Variants in SHISA9 observed in about 807,000 individuals in gnomAD.
SHISA9 encodes protein shisa-9.
SHISA9 carries 13 observed loss-of-function variants against 38.0 expected under a neutral mutation model. The observed-to-expected ratio is 0.34, with a 90% confidence interval of 0.22 to 0.54. SHISA9 has a LOEUF of 0.54. Ranked by LOEUF, SHISA9 falls within the 20% of genes least tolerant of loss-of-function variation. The pLI, the probability that SHISA9 is intolerant of heterozygous loss-of-function variation, is 0.91. For synonymous variants in SHISA9, 275 were observed against 242.0 expected, an observed-to-expected ratio of 1.14 and a Z score of -1.27; for missense variants, 538 against 575.8, an observed-to-expected ratio of 0.93 and a Z score of 0.67.
intron 4 of SHISA9, among the ~76,000 whole-genome samples, chr16:13,216,957 C>T (rs143185951): frequency 7.9e-4 from 121 of 152,228 alleles, no homozygotes; most frequent in African/African-American, 2.8e-3. Context: ...TTAAAATCCA[C>T]CCACCTGTCA....
intron 2 of SHISA9, among the ~76,000 whole-genome samples, chr16:13,073,797 A>G (rs758546249): frequency 4.6e-5 from 7 of 152,160 alleles, no homozygotes; most frequent in Non-Finnish European, 8.8e-5. Flanking sequence ...CGAGGCGGAT[A>G]CAAGCCAAGG....
chr16:13,262,658 A>AAGGGAGGG, the SHISA9 span, among the ~76,000 whole-genome samples: 726 of 51,750 alleles, frequency 0.014, 7 homozygotes, highest in Middle Eastern at 0.074. Flanking sequence ...GGAAGGAAGG[A>AAGGGAGGG]AGGAAGGAAG....
the SHISA9 span, among the ~76,000 whole-genome samples, chr16:13,387,786 C>G: frequency 6.6e-6 from 1 of 152,176 alleles, no homozygotes. Flanking sequence ...CCACACCTGG[C>G]CTGCATTATT....
At chr16:13,387,255 A>C in the SHISA9 span, among the ~76,000 whole-genome samples, 2 of 152,202 alleles carry the variant, frequency 1.3e-5, no homozygotes, top group African/African-American at 4.8e-5. Context: ...ATTTGGAAAT[A>C]GAATTGTTGT....
intron 4 of SHISA9, among the ~76,000 whole-genome samples, chr16:13,232,819 AC>A (rs1444635673): frequency 2.0e-5 from 3 of 152,170 alleles, no homozygotes. Context: ...GATTGTGGAG[AC>A]CAAGGTTCTT....
At chr16:13,045,438 C>T (rs1328332318) in intron 2 of SHISA9, among the ~76,000 whole-genome samples, 1 of 152,186 alleles carries the variant, frequency 6.6e-6, no homozygotes, top group Non-Finnish European at 1.5e-5. Context: ...TCTTACCATA[C>T]TGTCTTGGCT....
the SHISA9 span, among the ~76,000 whole-genome samples, chr16:13,317,754 C>T: frequency 6.6e-6 from 1 of 152,168 alleles, no homozygotes; most frequent in African/African-American, 2.4e-5. Context: ...AACCATCTGT[C>T]CCTTCATGTG....
intron 2 of SHISA9, among the ~76,000 whole-genome samples, chr16:12,951,311 C>G (rs1339123144): frequency 6.7e-6 from 1 of 150,250 alleles, no homozygotes; most frequent in Non-Finnish European, 1.5e-5. Flanking sequence ...TTGTGGCTCT[C>G]GTTACGTTTC....
At chr16:12,903,786 C>A (rs571026908) in intron 1 of SHISA9, among the ~76,000 whole-genome samples, 1 of 152,136 alleles carries the variant, frequency 6.6e-6, no homozygotes, top group Non-Finnish European at 1.5e-5. Context: ...TTCCGCGCCC[C>A]CTCTGCCGGG....
chr16:13,348,475 G>A, the SHISA9 span, among the ~76,000 whole-genome samples: 93 of 151,962 alleles, frequency 6.1e-4, no homozygotes, highest in African/African-American at 2.0e-3. Context: ...TTAATGTACG[G>A]GTGAGGAATC....
the SHISA9 span, among the ~76,000 whole-genome samples, chr16:13,460,092 T>A: frequency 6.6e-6 from 1 of 152,106 alleles, no homozygotes; most frequent in African/African-American, 2.4e-5. Flanking sequence ...ATTAGTATTA[T>A]CCCTAAACAT....
chr16:13,069,490 A>G (rs543598201), intron 2 of SHISA9, among the ~76,000 whole-genome samples: 1 of 152,070 alleles, frequency 6.6e-6, no homozygotes, highest in East Asian at 1.9e-4. Flanking sequence ...TGTACACACA[A>G]TGCATGCATG....
intron 4 of SHISA9, among the ~76,000 whole-genome samples, chr16:13,218,838 G>C (rs1217705881): frequency 6.6e-6 from 1 of 152,186 alleles, no homozygotes; most frequent in Non-Finnish European, 1.5e-5. Context: ...TAGGGTTACA[G>C]TTCCATTGGA....
chr16:13,268,876 A>G, the SHISA9 span, among the ~76,000 whole-genome samples: 1 of 152,180 alleles, frequency 6.6e-6, no homozygotes, highest in South Asian at 2.1e-4. Context: ...TGGACACATG[A>G]TACCAGTTAT....
At chr16:13,075,540 G>T (rs910865846) in intron 2 of SHISA9, among the ~76,000 whole-genome samples, 1 of 152,164 alleles carries the variant, frequency 6.6e-6, no homozygotes, top group African/African-American at 2.4e-5. Context: ...AGGGTCGTGG[G>T]CTCCCCAGGG....
chr16:13,112,720 G>T (rs1366225577), intron 2 of SHISA9, among the ~76,000 whole-genome samples: 1 of 152,018 alleles, frequency 6.6e-6, no homozygotes, highest in Non-Finnish European at 1.5e-5. Context: ...TCTCAGTGAT[G>T]TTTCTGTTGG....
chr16:13,254,426 G>A, the SHISA9 span, among the ~76,000 whole-genome samples: 4 of 152,168 alleles, frequency 2.6e-5, 1 homozygote, highest in Admixed American at 1.3e-4. Context: ...GGTTTGTTAC[G>A]AGTTATTATG....
chr16:12,971,408 A>G (rs559100181), intron 2 of SHISA9, among the ~76,000 whole-genome samples: 1 of 152,352 alleles, frequency 6.6e-6, no homozygotes, highest in South Asian at 2.1e-4. Context: ...AGAGGCAGGC[A>G]GAAACCCTCT....
chr16:13,033,393 T>G (rs893393577), intron 2 of SHISA9, among the ~76,000 whole-genome samples: 4 of 152,188 alleles, frequency 2.6e-5, no homozygotes, highest in African/African-American at 4.8e-5. Flanking sequence ...AACCAGGGAT[T>G]TGGAAGCCAT....
Sources: gnomAD v4.1 joint callset for allele counts (sites outside exome capture counted in the v4.1 genomes callset) on GRCh38, gnomAD v4.1.1 for gene constraint, MANE v1.5 for transcripts, NCBI Gene and HGNC (gene_info 2026-07-23, HGNC 2026-07-21) for gene names.